EXOC3: variants seen among roughly 807,000 people sequenced by gnomAD.
The protein encoded by EXOC3 is SEC6-like 1.
A neutral mutation model predicts 73.7 loss-of-function variants in EXOC3; 21 were observed. That is an observed-to-expected ratio of 0.29 (90% CI 0.20 to 0.41). EXOC3 has a LOEUF of 0.41. Among genes scored for constraint, EXOC3 ranks in the 10% least tolerant of loss-of-function variants. EXOC3 has a pLI of 1.00. For missense variants in EXOC3, 842 were observed against 985.1 expected, an observed-to-expected ratio of 0.85 and a Z score of 1.95; for synonymous variants, 410 against 389.1, an observed-to-expected ratio of 1.05 and a Z score of -0.63.
intron 10 of EXOC3, chr5:464,786 T>C: frequency 2.2e-6 from 1 of 446,958 alleles, no homozygotes; most frequent in Non-Finnish European, 4.1e-6. Context: ...GTTTTCCAGA[T>C]GCTGCGGTCG....
chr5:464,914 G>T (rs1738094985), intron 10 of EXOC3, 197 bp from the exon 11 acceptor site: 1 of 624,998 alleles, frequency 1.6e-6, no homozygotes, highest in Non-Finnish European at 2.7e-6. Context: ...TGGTGCGGGG[G>T]TCCAGGTCAC....
chr5:456,355 T>C (rs1737807490), intron 4 of EXOC3, among the ~76,000 whole-genome samples: 1 of 151,698 alleles, frequency 6.6e-6, no homozygotes, highest in African/African-American at 2.4e-5. Flanking sequence ...TACTTTCAGT[T>C]TGTGTTTGGT....
chr5:454,339 A>T (rs1579737769), intron 4 of EXOC3, among the ~76,000 whole-genome samples: 1 of 152,106 alleles, frequency 6.6e-6, no homozygotes, highest in East Asian at 1.9e-4. Flanking sequence ...TCCTGTGCTC[A>T]CCGTGTGCTG....
At chr5:454,799 G>C (rs1268955006) in intron 4 of EXOC3, among the ~76,000 whole-genome samples, 1 of 150,590 alleles carries the variant, frequency 6.6e-6, no homozygotes, top group Non-Finnish European at 1.5e-5. Context: ...TAATGTATTG[G>C]AATTTCTTCT....
At chr5:450,540 G>T (rs1310481384) in intron 3 of EXOC3, among the ~76,000 whole-genome samples, 1 of 152,174 alleles carries the variant, frequency 6.6e-6, no homozygotes, top group Non-Finnish European at 1.5e-5. Flanking sequence ...TGTCTGTTCA[G>T]TCTGGTTGGT....
chr5:452,913 G>C (rs1042307220), intron 3 of EXOC3, among the ~76,000 whole-genome samples: 4 of 152,248 alleles, frequency 2.6e-5, no homozygotes, highest in African/African-American at 9.6e-5. Context: ...GGAGCTCTGT[G>C]GGGGTGAGGA....
intron 5 of EXOC3, chr5:457,251 T>G (rs1737845649): frequency 7.7e-6 from 4 of 516,410 alleles, no homozygotes; most frequent in Non-Finnish European, 1.1e-5. Flanking sequence ...TGTGCCCTAC[T>G]CGGCAGGCTG....
chr5:453,470 G>A lies in EXOC3; in HGVS notation c.465G>A (p.Leu155=), dbSNP rs751074791. ...ACCTGGAGTGCTCCCGGGACGGGCT[G>A]ATGTACGAGCAGTACCGCATGGACA... The part of the protein sequence containing the change: ...LMDLECSRDG[L]MYEQYRMDSG... The change falls in exon 4 of 13, where the codon CTG becomes CTA. Residue 155 remains leucine (L), a synonymous_variant. Coordinates refer to ENST00000512944, the MANE Select transcript of EXOC3 (RefSeq NM_007277.5). 4 of 1,613,650 alleles carry A rather than the reference G, an allele frequency of 2.5e-6. No individual in the cohort carries two copies. The highest frequency in any genetic ancestry group is 1.3e-5 in the African/African-American group (1 of 74,948).
At chr5:450,368 G>T (rs1432032475) in intron 3 of EXOC3, among the ~76,000 whole-genome samples, 1 of 152,156 alleles carries the variant, frequency 6.6e-6, no homozygotes, top group Non-Finnish European at 1.5e-5. Context: ...TTCTGATACT[G>T]ATTTCTAATG....
At chr5:452,341 C>T (rs567555650) in intron 3 of EXOC3, among the ~76,000 whole-genome samples, 43 of 152,134 alleles carry the variant, frequency 2.8e-4, no homozygotes, top group Non-Finnish European at 5.6e-4. Flanking sequence ...TTTTTCATTT[C>T]ATTTATTGTA....
Position 449,769 on chromosome 5 carries a change from GTTTTAC to G in EXOC3, c.364+2023_364+2028del, listed in dbSNP as rs1038412661. On this transcript the variant is annotated intron_variant, in intron 3 of 12. Transcript: ENST00000512944. ...CTGTAGTGAACATGGGTGTACAGAT[GTTTTAC>G]TTTTATTTCTTTCTGGTATATACAC... is the stretch of plus-strand genomic sequence containing the variant. 3.5e-4 allele frequency among the ~76,000 whole-genome samples: 54 copies of G among 152,336 alleles called. 1 individual carries two copies. The highest frequency in any genetic ancestry group is 3.0e-3 in the Admixed American group (46 of 15,308).
At chr5:452,620 G>A (rs758542976) in intron 3 of EXOC3, among the ~76,000 whole-genome samples, 20 of 152,134 alleles carry the variant, frequency 1.3e-4, no homozygotes, top group African/African-American at 1.7e-4. Context: ...CACTTGAATC[G>A]AATAATGTGA....
At chr5:447,421 T>C in intron 2 of EXOC3, 112 bp from the exon 3 acceptor site, 1 of 670,100 alleles carries the variant, frequency 1.5e-6, no homozygotes, top group Non-Finnish European at 2.5e-6. Flanking sequence ...GACTGTTTCC[T>C]GCTACTCAGT....
chr5:451,564 T>C (rs886403032), intron 3 of EXOC3, among the ~76,000 whole-genome samples: 13 of 152,234 alleles, frequency 8.5e-5, no homozygotes, highest in Non-Finnish European at 1.2e-4. Context: ...TCTTAAGTCA[T>C]GTACGAAACA....
chr5:460,646 A>G (rs1737957106), intron 7 of EXOC3, among the ~76,000 whole-genome samples: 1 of 152,036 alleles, frequency 6.6e-6, no homozygotes, highest in South Asian at 2.1e-4. Flanking sequence ...CTCTATCCAT[A>G]GAGGTCTTAG....
chr5:451,449 T>C (rs891866736), intron 3 of EXOC3, among the ~76,000 whole-genome samples: 6 of 152,216 alleles, frequency 3.9e-5, no homozygotes, highest in African/African-American at 1.4e-4. Flanking sequence ...TAGAAAACAA[T>C]GTGGAGTTAG....
chr5:448,600 C>A (rs1369006038), intron 3 of EXOC3, among the ~76,000 whole-genome samples: 1 of 152,220 alleles, frequency 6.6e-6, no homozygotes, highest in African/African-American at 2.4e-5. Context: ...CCATCCCCAG[C>A]CGTCACGTGC....
chr5:457,146 C>A (rs11749327), intron 5 of EXOC3, 140 bp downstream of exon 5: 147,697 of 646,622 alleles, frequency 0.23, 19,870 homozygotes, highest in Non-Finnish European at 0.29. Flanking sequence ...CCGGGCTCTG[C>A]TTCCAGGCCT....
intron 4 of EXOC3, among the ~76,000 whole-genome samples, chr5:456,471 G>C (rs1222459847): frequency 6.6e-6 from 1 of 152,160 alleles, no homozygotes; most frequent in African/African-American, 2.4e-5. Context: ...GCCCTGCCTC[G>C]GCTCTGCAGG....
Sources: allele counts gnomAD v4.1 joint callset (sites outside exome capture counted in the v4.1 genomes callset), GRCh38; gene constraint gnomAD v4.1.1; transcripts MANE v1.5; gene names NCBI Gene and HGNC (gene_info 2026-07-23, HGNC 2026-07-21).